Variants in SEMA3E observed in about 807,000 individuals in gnomAD.
The protein encoded by SEMA3E is semaphorin-3E.
Under a neutral mutation model 93.6 loss-of-function variants are expected in SEMA3E, and 49 were observed. That is an observed-to-expected ratio of 0.52 (90% CI 0.42 to 0.66). The LOEUF (loss-of-function observed/expected upper bound fraction) is 0.66. SEMA3E is among the 30% of genes least tolerant of loss of function. The probability of loss-of-function intolerance (pLI) is 0.00; values close to 1 mark genes in which losing one functional copy is unlikely to be tolerated. For synonymous variants in SEMA3E, 363 were observed against 330.7 expected, an observed-to-expected ratio of 1.10 and a Z score of -1.06; for missense variants, 906 against 964.8, an observed-to-expected ratio of 0.94 and a Z score of 0.81.
chr7:83,411,923 A>G (rs1481923825), intron 5 of SEMA3E, among the ~76,000 whole-genome samples: 1 of 152,166 alleles, frequency 6.6e-6, no homozygotes, highest in Admixed American at 6.6e-5. Flanking sequence ...ACACTCAACA[A>G]TAGTCTTTAT....
intron 10 of SEMA3E, among the ~76,000 whole-genome samples, chr7:83,401,679 T>A (rs1295552621): frequency 1.3e-5 from 2 of 152,238 alleles, no homozygotes; most frequent in East Asian, 3.9e-4. Context: ...GGTAAAGCTT[T>A]AACACTTGTT....
intron 4 of SEMA3E, among the ~76,000 whole-genome samples, chr7:83,431,695 TC>T (rs1788887060): frequency 6.6e-6 from 1 of 151,952 alleles, no homozygotes; most frequent in Non-Finnish European, 1.5e-5. Context: ...TGAGTATGAG[TC>T]ATTGTACCCA....
intron 1 of SEMA3E, among the ~76,000 whole-genome samples, chr7:83,582,267 A>G (rs1426638556): frequency 6.6e-6 from 1 of 150,946 alleles, no homozygotes; most frequent in Non-Finnish European, 1.5e-5. Flanking sequence ...TAATAAACTA[A>G]TAAAAGCTTC....
chr7:83,586,883 G>A (rs1365996434), intron 1 of SEMA3E, among the ~76,000 whole-genome samples: 2 of 152,058 alleles, frequency 1.3e-5, no homozygotes. Flanking sequence ...GGTGCATGAA[G>A]ATAGAGAAAA....
intron 4 of SEMA3E, among the ~76,000 whole-genome samples, chr7:83,440,474 A>G (rs767090931): frequency 2.2e-4 from 34 of 152,200 alleles, no homozygotes; most frequent in Non-Finnish European, 3.7e-4. Flanking sequence ...TTGTTACTAC[A>G]TCCTCATAGG....
intron 1 of SEMA3E, among the ~76,000 whole-genome samples, chr7:83,546,202 C>T (rs1308137888): frequency 6.7e-6 from 1 of 149,284 alleles, no homozygotes; most frequent in Non-Finnish European, 1.5e-5. Context: ...TCCACTAAAA[C>T]ACCAATATTT....
rs1388888316 is a variant in SEMA3E, at chr7:83,367,634, A to G, written c.2280T>C (p.Arg760=). 1.2e-6 allele frequency: 2 copies of G among 1,614,144 alleles called. No individual in the cohort carries two copies. Among genetic ancestry groups the G allele is most frequent in the South Asian group, 2.2e-5 (2 of 91,078 alleles). Residue 760 remains arginine, a synonymous_variant, in exon 17 of 17, where the codon CGT becomes CGC. Coordinates refer to ENST00000643230, the MANE Select transcript of SEMA3E (RefSeq NM_012431.3). ...GCAGGCGGTAATGCTCAGGTTTGGA[A>G]CGGAGCTTCTTTTCCTGAGGGTTGG... ...KYANPQEKKL[R]SKPEHYRLPR...
At position 83,366,403 on chromosome 7, in the gene SEMA3E, G is replaced by C. The variant is rs1794668279; in HGVS notation, c.*1183C>G. On this transcript the variant is annotated 3_prime_UTR_variant, in exon 17 of 17. Transcript: ENST00000643230. ...AGGTAAAAATGCTCTGAATATCTCA[G>C]TAGTTAAGTGAACTCATGAAACAAT... 6.6e-6 allele frequency: 1 copy of C among 151,922 alleles called. No homozygotes were observed. Among genetic ancestry groups the C allele is most frequent in the African/African-American group, 2.4e-5 (1 of 41,438 alleles). The allele number at this position is 151,922 out of a possible 1,614,324, so 9.4% of individuals were successfully genotyped here.
At chr7:83,635,789 C>T (rs1793870906) in intron 1 of SEMA3E, among the ~76,000 whole-genome samples, 1 of 151,206 alleles carries the variant, frequency 6.6e-6, no homozygotes, top group Non-Finnish European at 1.5e-5. Context: ...TTCCTTCTCA[C>T]TATGTTACTA....
intron 1 of SEMA3E, among the ~76,000 whole-genome samples, chr7:83,566,387 A>G (rs1792157010): frequency 6.6e-6 from 1 of 151,908 alleles, no homozygotes; most frequent in African/African-American, 2.4e-5. Flanking sequence ...CTTATAATCA[A>G]TGATTGACTC....
intron 1 of SEMA3E, among the ~76,000 whole-genome samples, chr7:83,522,164 T>G (rs1324383279): frequency 1.3e-5 from 2 of 152,204 alleles, no homozygotes; most frequent in Admixed American, 1.3e-4. Context: ...CAATGCTACC[T>G]TAAGCAATAA....
chr7:83,445,608 C>T (rs1343268885), intron 4 of SEMA3E, among the ~76,000 whole-genome samples: 1 of 152,062 alleles, frequency 6.6e-6, no homozygotes, highest in Non-Finnish European at 1.5e-5. Flanking sequence ...ATCCCAGCAA[C>T]TTGGGAGGCT....
chr7:83,555,005 G>GA lies in SEMA3E; in HGVS notation c.116-64732dup, dbSNP rs72195795. Among the ~76,000 whole-genome samples the GA allele has an allele frequency of 7.9e-3, 1,145 of 145,034 alleles. 6 individuals carry two copies. The highest frequency in any genetic ancestry group is 0.01 in the Admixed American group (151 of 14,594). On this transcript the variant is annotated intron_variant, in intron 1 of 16. Transcript: ENST00000643230. ...ATAAATAAATAAATAAATAAAAATG[G>GA]AAAAAAAAAAGACTTGTGCTTTTCA...
Position 83,402,765 on chromosome 7 carries a change from C to T in SEMA3E, c.1010G>A (p.Arg337Gln), listed in dbSNP as rs775929093. Residue 337 changes from arginine to glutamine, a missense_variant, in exon 10 of 17, where the codon CGA (arginine) becomes CAA (glutamine). Transcript: ENST00000643230. ...GTGATAGACACATATAGCATGCCCTCGAAAAATATTACTGAAAAATACAAA... is the reference window on the plus strand; with the variant it reads ...GTGATAGACACATATAGCATGCCCTTGAAAAATATTACTGAAAAATACAAA... ...GLFNTTSNIF[R>Q]GHAICVYHMS... The T allele has an allele frequency of 9.3e-6, 15 of 1,611,978 alleles. No individual in the cohort carries two copies. Among genetic ancestry groups the T allele is most frequent in the South Asian group, 3.3e-5 (3 of 91,040 alleles).
intron 1 of SEMA3E, among the ~76,000 whole-genome samples, chr7:83,602,048 T>C (rs215324): frequency 0.023 from 3,436 of 152,280 alleles, 127 homozygotes; most frequent in African/African-American, 0.078. Context: ...TCATTACTAC[T>C]AGTACTACTA....
chr7:83,435,431 T>TA (rs967059289), intron 4 of SEMA3E, among the ~76,000 whole-genome samples: 2 of 151,714 alleles, frequency 1.3e-5, no homozygotes, highest in African/African-American at 4.8e-5. Context: ...CTGTCTTTAC[T>TA]AAAAAAATAC....
At chr7:83,535,445 G>T (rs1007428340) in intron 1 of SEMA3E, among the ~76,000 whole-genome samples, 3 of 150,418 alleles carry the variant, frequency 2.0e-5, no homozygotes, top group Non-Finnish European at 3.0e-5. Flanking sequence ...TCACTAAGGA[G>T]ACAGGGCAAA....
chr7:83,440,375 G>C (rs1056887992), intron 4 of SEMA3E, among the ~76,000 whole-genome samples: 1 of 152,128 alleles, frequency 6.6e-6, no homozygotes, highest in Non-Finnish European at 1.5e-5. Context: ...AGGAAGAAAA[G>C]AACCTACCAA....
At chr7:83,594,335 A>G (rs1792822564) in intron 1 of SEMA3E, among the ~76,000 whole-genome samples, 1 of 152,170 alleles carries the variant, frequency 6.6e-6, no homozygotes, top group Non-Finnish European at 1.5e-5. Context: ...AAATGAAATT[A>G]CCAGGATTTT....
Sources: allele counts gnomAD v4.1 joint callset (sites outside exome capture counted in the v4.1 genomes callset), GRCh38; gene constraint gnomAD v4.1.1; transcripts MANE v1.5; gene names NCBI Gene and HGNC (gene_info 2026-07-23, HGNC 2026-07-21).